The following PAQR5 variants were observed in gnomAD, a reference collection of about 807,000 sequenced individuals.
The protein encoded by PAQR5 is membrane progestin receptor gamma.
In PAQR5, 20 loss-of-function variants were observed where a neutral mutation model predicts 34.5. That is an observed-to-expected ratio of 0.58 (90% CI 0.41 to 0.84). PAQR5 has a LOEUF of 0.84. Among genes scored for constraint, PAQR5 ranks in the 40% least tolerant of loss-of-function variants. The pLI is 0.00. For synonymous variants in PAQR5, 131 were observed against 155.6 expected (o/e 0.84, Z 1.18); for missense variants, 378 against 412.7 (o/e 0.92, Z 0.73).
intron 1 of PAQR5, among the ~76,000 whole-genome samples, chr15:69,328,866 G>A (rs887439465): frequency 3.3e-5 from 5 of 152,230 alleles, no homozygotes; most frequent in East Asian, 1.9e-4. Flanking sequence ...CTGCAGAGCC[G>A]CTTCTCCCTG....
intron 3 of PAQR5, among the ~76,000 whole-genome samples, chr15:69,372,057 A>C (rs1440539024): frequency 6.6e-6 from 1 of 152,242 alleles, no homozygotes; most frequent in African/African-American, 2.4e-5. Flanking sequence ...ATTTGAGAGA[A>C]GATTCAGAGA....
chr15:69,369,032 A>G (rs1454831709), intron 3 of PAQR5, among the ~76,000 whole-genome samples: 2 of 152,178 alleles, frequency 1.3e-5, no homozygotes, highest in African/African-American at 4.8e-5. Flanking sequence ...ACGGCCCCCA[A>G]AGTTTTGGCA....
intron 2 of PAQR5, among the ~76,000 whole-genome samples, chr15:69,345,647 T>A (rs1219526900): frequency 1.3e-5 from 2 of 152,220 alleles, no homozygotes; most frequent in Non-Finnish European, 2.9e-5. Flanking sequence ...GAACTCAGCA[T>A]GTCCTGGAGA....
At chr15:69,401,853 A>T (rs1319257590) in intron 8 of PAQR5, among the ~76,000 whole-genome samples, 2 of 152,206 alleles carry the variant, frequency 1.3e-5, no homozygotes, top group East Asian at 3.9e-4. Context: ...CCTAGGACAC[A>T]TTTATTGAAT....
chr15:69,363,141 A>G (rs182873183), intron 3 of PAQR5, among the ~76,000 whole-genome samples: 12 of 151,994 alleles, frequency 7.9e-5, no homozygotes, highest in Non-Finnish European at 1.2e-4. Flanking sequence ...CCACTTCACT[A>G]CCCTGTCTGG....
At chr15:69,328,916 A>ACCAGTTT (rs1285841818) in intron 1 of PAQR5, among the ~76,000 whole-genome samples, 2 of 152,198 alleles carry the variant, frequency 1.3e-5, no homozygotes, top group Admixed American at 6.5e-5. Context: ...CAGCCACCGG[A>ACCAGTTT]CCAGTTTCCA....
rs1228969497 is a variant in PAQR5, at chr15:69,384,783, C to G, written c.286C>G (p.Leu96Val). The G allele has an allele frequency of 3.1e-6, 5 of 1,613,722 alleles. No homozygotes were observed. The African/African-American group carries it at 6.7e-5, about 22-fold the overall frequency. Residue 96 changes from leucine to valine, a missense_variant, in exon 5 of 9, where the codon CTT becomes GTT. Physicochemically the swap from Leu to Val is conservative, Grantham distance 32. Coordinates refer to ENST00000395407, the MANE Select transcript of PAQR5 (RefSeq NM_017705.4). ...VYMCTSCVYP[L>V]VSSCAHTFSS... is the part of the protein sequence containing the mutation. The stretch of plus-strand genomic sequence containing the variant: ...CATGTGCACCAGCTGCGTGTACCCA[C>G]TTGTGTCCAGCTGTGCGCACACCTT...
rs149187353 is a variant in PAQR5 at position 69,369,588 on chromosome 15, T to C, written c.51+9457T>C. ...CCTTCAGAGAGGATTTGTGTTTGCT[T>C]TTGTTACTTACCTGAGGGAACTACA... On this transcript the variant is annotated intron_variant, in intron 3 of 8. Coordinates refer to ENST00000395407, the MANE Select transcript of PAQR5 (RefSeq NM_017705.4). Among the ~76,000 whole-genome samples the C allele has an allele frequency of 9.9e-5, 15 of 152,240 alleles. No homozygotes were observed. In the East Asian group the frequency reaches 2.9e-3, roughly 29 times the overall value.
chr15:69,358,088 G>A (rs1033861076), intron 2 of PAQR5, among the ~76,000 whole-genome samples: 6 of 152,142 alleles, frequency 3.9e-5, no homozygotes, highest in Non-Finnish European at 8.8e-5. Flanking sequence ...CTCAGGAGGT[G>A]GTAGACTTTG....
intron 1 of PAQR5, among the ~76,000 whole-genome samples, chr15:69,308,841 G>A (rs1017619472): frequency 6.6e-6 from 1 of 152,054 alleles, no homozygotes; most frequent in African/African-American, 2.4e-5. Context: ...CTCACTGAAT[G>A]AATGGGGAAG....
intron 1 of PAQR5, among the ~76,000 whole-genome samples, chr15:69,326,307 A>G (rs2054249899): frequency 6.6e-6 from 1 of 152,182 alleles, no homozygotes; most frequent in Admixed American, 6.5e-5. Flanking sequence ...GTGAGTATCC[A>G]TGTGAAGAAG....
chr15:69,320,581 A>G (rs1333189091), intron 1 of PAQR5, among the ~76,000 whole-genome samples: 1 of 152,238 alleles, frequency 6.6e-6, no homozygotes, highest in Non-Finnish European at 1.5e-5. Flanking sequence ...GTATTTAAAA[A>G]ATGTAAAACA....
intron 3 of PAQR5, among the ~76,000 whole-genome samples, chr15:69,375,385 G>T (rs1010937839): frequency 6.6e-6 from 1 of 152,082 alleles, no homozygotes; most frequent in Non-Finnish European, 1.5e-5. Context: ...TCTTATCTCC[G>T]AATGCAGTTG....
chr15:69,333,698 G>A (rs981833925), intron 1 of PAQR5, among the ~76,000 whole-genome samples: 4 of 152,116 alleles, frequency 2.6e-5, no homozygotes, highest in African/African-American at 7.2e-5. Flanking sequence ...CCTTAATTTT[G>A]GGGATCTGTC....
chr15:69,306,559 A>C (rs2140524450), intron 1 of PAQR5, among the ~76,000 whole-genome samples: 1 of 151,746 alleles, frequency 6.6e-6, no homozygotes, highest in Middle Eastern at 3.4e-3. Context: ...TTACAGGCGC[A>C]CACCACCACT....
intron 1 of PAQR5, among the ~76,000 whole-genome samples, chr15:69,309,141 A>G (rs1294021677): frequency 1.3e-5 from 2 of 152,168 alleles, no homozygotes; most frequent in African/African-American, 2.4e-5. Flanking sequence ...GAGAGAAGCC[A>G]TGGGGTGGAT....
At chr15:69,374,545 C>A (rs2055652534) in intron 3 of PAQR5, among the ~76,000 whole-genome samples, 1 of 152,128 alleles carries the variant, frequency 6.6e-6, no homozygotes, top group African/African-American at 2.4e-5. Flanking sequence ...GGCATAGTGG[C>A]ATGTGCCTGT....
chr15:69,339,678 G>A (rs1317855698), intron 2 of PAQR5, among the ~76,000 whole-genome samples: 2 of 152,128 alleles, frequency 1.3e-5, no homozygotes, highest in Non-Finnish European at 2.9e-5. Flanking sequence ...TCACCATGTT[G>A]TCCAGGCTGA....
intron 1 of PAQR5, among the ~76,000 whole-genome samples, chr15:69,327,298 G>T (rs535998054): frequency 6.6e-6 from 1 of 152,092 alleles, no homozygotes; most frequent in Non-Finnish European, 1.5e-5. Flanking sequence ...ACCACATGCG[G>T]ATTGTTTTGT....
Sources: allele counts gnomAD v4.1 joint callset (sites outside exome capture counted in the v4.1 genomes callset), GRCh38; gene constraint gnomAD v4.1.1; transcripts MANE v1.5; gene names NCBI Gene and HGNC (gene_info 2026-07-23, HGNC 2026-07-21).